Variants in WWOX observed in about 807,000 individuals in gnomAD.
The protein encoded by WWOX is WW domain-containing oxidoreductase.
A neutral mutation model predicts 46.2 loss-of-function variants in WWOX; 69 were observed. The observed-to-expected ratio is 1.49, with a 90% CI of 1.23 to 1.82. The LOEUF is 1.82. WWOX is among the 40% of genes most tolerant of loss of function. The pLI is 0.00. For synonymous variants in WWOX, 359 were observed against 202.6 expected, an observed-to-expected ratio of 1.77 and a Z score of -6.56; for missense variants, 919 against 542.6, an observed-to-expected ratio of 1.69 and a Z score of -6.89.
Position 78,614,334 on chromosome 16 carries a change from G to C in WWOX, c.1056+181582G>C, listed in dbSNP as rs778234352. Among the ~76,000 whole-genome samples the C allele has an allele frequency of 7.9e-5, 12 of 152,246 alleles. No individual in the cohort carries two copies. In the South Asian group the frequency reaches 1.9e-3, roughly 24 times the overall value. On this transcript the variant is annotated intron_variant, in intron 8 of 8. Transcript: ENST00000566780. ...GTAGAATAACATGGTTTATTTGTGTGTGTATTGTTCTGTTTTTGGTAAAAT... is the reference window on the plus strand; with the variant it reads ...GTAGAATAACATGGTTTATTTGTGTCTGTATTGTTCTGTTTTTGGTAAAAT...
chr16:78,821,705 G>A (rs1460142330), intron 8 of WWOX, among the ~76,000 whole-genome samples: 2 of 152,174 alleles, frequency 1.3e-5, no homozygotes, highest in Admixed American at 6.5e-5. Context: ...AACTCAGTTG[G>A]TTGCTGAGCT....
chr16:78,287,799 A>T (rs2151858611), intron 5 of WWOX, among the ~76,000 whole-genome samples: 1 of 152,310 alleles, frequency 6.6e-6, no homozygotes, highest in East Asian at 1.9e-4. Flanking sequence ...AAACTTAAAA[A>T]AATTTTTTTA....
intron 5 of WWOX, among the ~76,000 whole-genome samples, chr16:78,263,264 A>G (rs1347971535): frequency 1.3e-5 from 2 of 152,214 alleles, no homozygotes; most frequent in African/African-American, 4.8e-5. Context: ...CAGCAAGACC[A>G]GGACAACAGT....
At chr16:79,127,417 G>C (rs1055384329) in intron 8 of WWOX, among the ~76,000 whole-genome samples, 5 of 152,130 alleles carry the variant, frequency 3.3e-5, no homozygotes, top group Non-Finnish European at 7.3e-5. Context: ...CTTAGAGATG[G>C]TTCTAAATCA....
chr16:78,102,380 G>A (rs2031855185), intron 1 of WWOX, among the ~76,000 whole-genome samples: 1 of 152,224 alleles, frequency 6.6e-6, no homozygotes, highest in Non-Finnish European at 1.5e-5. Context: ...CCATTTCAAG[G>A]ATTTCTGTGC....
chr16:78,919,255 C>A (rs1186786399), intron 8 of WWOX, among the ~76,000 whole-genome samples: 1 of 151,994 alleles, frequency 6.6e-6, no homozygotes, highest in Non-Finnish European at 1.5e-5. Context: ...GAGACACCCC[C>A]CCACTCTTAG....
At chr16:79,022,074 G>A (rs897827661) in intron 8 of WWOX, among the ~76,000 whole-genome samples, 7 of 152,200 alleles carry the variant, frequency 4.6e-5, no homozygotes, top group Admixed American at 6.5e-5. Context: ...AGATGGGGAT[G>A]CCAAGTACCC....
chr16:78,790,620 T>G (rs76550097), intron 8 of WWOX, among the ~76,000 whole-genome samples: 2,289 of 152,318 alleles, frequency 0.015, 63 homozygotes, highest in African/African-American at 0.052. Context: ...TCTGGCAGAT[T>G]AATTTTCTTT....
At chr16:79,063,720 G>C (rs150245011) in intron 8 of WWOX, among the ~76,000 whole-genome samples, 184 of 152,232 alleles carry the variant, frequency 1.2e-3, no homozygotes, top group African/African-American at 4.3e-3. Flanking sequence ...AAAATCCACA[G>C]GTCTTCAAGA....
intron 8 of WWOX, among the ~76,000 whole-genome samples, chr16:78,989,647 G>T (rs1246633364): frequency 6.6e-6 from 1 of 152,210 alleles, no homozygotes; most frequent in Admixed American, 6.5e-5. Flanking sequence ...TGGGCATCCA[G>T]TTGGGACCCT....
At chr16:78,438,719 C>G (rs59953392) in intron 8 of WWOX, among the ~76,000 whole-genome samples, 2 of 152,092 alleles carry the variant, frequency 1.3e-5, no homozygotes, top group Non-Finnish European at 2.9e-5. Context: ...AAATGGCTTA[C>G]GTTTATGGAA....
intron 8 of WWOX, among the ~76,000 whole-genome samples, chr16:79,118,314 C>G (rs991152278): frequency 2.6e-5 from 4 of 152,170 alleles, no homozygotes; most frequent in Non-Finnish European, 4.4e-5. Flanking sequence ...TAACATTTAT[C>G]AATTAAGTTT....
intron 5 of WWOX, among the ~76,000 whole-genome samples, chr16:78,250,841 T>C (rs1009257647): frequency 1.3e-5 from 2 of 152,164 alleles, no homozygotes; most frequent in Non-Finnish European, 2.9e-5. Context: ...ATATCACACC[T>C]TCACTTAACA....
At chr16:78,595,081 A>G (rs946242884) in intron 8 of WWOX, among the ~76,000 whole-genome samples, 4 of 152,168 alleles carry the variant, frequency 2.6e-5, no homozygotes, top group African/African-American at 4.8e-5. Context: ...GGAAGCTGCC[A>G]TGCGCATGAG....
chr16:78,337,911 C>G (rs1315509212), intron 5 of WWOX, among the ~76,000 whole-genome samples: 1 of 114,676 alleles, frequency 8.7e-6, no homozygotes, highest in African/African-American at 3.0e-5. Flanking sequence ...CTGGCAGTGC[C>G]TGTCCTGCTA....
In WWOX at chr16:78,741,800, A is replaced by G. The variant is rs533068032; in HGVS notation, c.1056+309048A>G. ...AATCCAGGAGACGGAGGTTGCAGTG[A>G]GTTGAGACTGTGCCACTACACTCCA... On this transcript the variant is annotated intron_variant, in intron 8 of 8. Coordinates refer to ENST00000566780, the MANE Select transcript of WWOX (RefSeq NM_016373.4). Among the ~76,000 whole-genome samples the G allele has an allele frequency of 2.0e-3, 310 of 152,128 alleles. 2 individuals carry two copies. Among genetic ancestry groups the G allele is most frequent in the African/African-American group, 7.1e-3 (295 of 41,496 alleles).
intron 8 of WWOX, among the ~76,000 whole-genome samples, chr16:78,944,685 C>G (rs530504565): frequency 6.6e-6 from 1 of 152,038 alleles, no homozygotes; most frequent in Non-Finnish European, 1.5e-5. Context: ...GTGGGGAATG[C>G]AAGTCACAAT....
intron 8 of WWOX, among the ~76,000 whole-genome samples, chr16:78,527,374 A>G (rs1014462674): frequency 6.9e-6 from 1 of 145,506 alleles, no homozygotes; most frequent in African/African-American, 2.5e-5. Flanking sequence ...GCTCACTGCC[A>G]CCTCTGCCTC....
intron 8 of WWOX, among the ~76,000 whole-genome samples, chr16:78,463,889 G>A (rs2084012096): frequency 6.6e-6 from 1 of 152,176 alleles, no homozygotes; most frequent in South Asian, 2.1e-4. Flanking sequence ...TTTCTAGTAT[G>A]GACCTTTGGG....
Sources: gnomAD v4.1 joint callset for allele counts (sites outside exome capture counted in the v4.1 genomes callset) on GRCh38, gnomAD v4.1.1 for gene constraint, MANE v1.5 for transcripts, NCBI Gene and HGNC (gene_info 2026-07-23, HGNC 2026-07-21) for gene names.